TOGARAM1: variants seen among roughly 807,000 people sequenced by gnomAD.
The protein encoded by TOGARAM1 is TOG array regulator of axonemal microtubules protein 1.
A neutral mutation model predicts 166.6 loss-of-function variants in TOGARAM1; 100 were observed. That is an observed-to-expected ratio of 0.60 (90% CI 0.51 to 0.71). The LOEUF is 0.71. Ranked by LOEUF, TOGARAM1 falls within the 30% of genes least tolerant of loss-of-function variation. The pLI, the probability that TOGARAM1 is intolerant of heterozygous loss-of-function variation, is 0.00. For synonymous variants in TOGARAM1, 758 were observed against 763.8 expected, an observed-to-expected ratio of 0.99 and a Z score of 0.13; for missense variants, 2,029 against 2,102.7, an observed-to-expected ratio of 0.96 and a Z score of 0.69.
chr14:44,999,883 A>G (rs963932748), intron 3 of TOGARAM1, among the ~76,000 whole-genome samples: 1 of 152,226 alleles, frequency 6.6e-6, no homozygotes. Context: ...GAACATTACA[A>G]ATCTACTCCT....
intron 1 of TOGARAM1, among the ~76,000 whole-genome samples, chr14:44,991,531 C>G (rs1887135083): frequency 6.6e-6 from 1 of 152,090 alleles, no homozygotes; most frequent in South Asian, 2.1e-4. Context: ...GTTTTTAGGA[C>G]TTTTATACTA....
intron 7 of TOGARAM1, among the ~76,000 whole-genome samples, chr14:45,018,320 A>C (rs556534964): frequency 6.6e-5 from 10 of 152,120 alleles, no homozygotes; most frequent in African/African-American, 2.4e-4. Flanking sequence ...GCTCACTGCA[A>C]CCTCCACCTC....
chr14:45,068,430 G>T lies in TOGARAM1; in HGVS notation c.4756G>T (p.Asp1586Tyr). 6.3e-7 allele frequency: 1 copy of T among 1,597,546 alleles called. No homozygotes were observed. The highest frequency in any genetic ancestry group is 1.3e-5 in the African/African-American group (1 of 74,232). Residue 1586 changes from aspartate (D) to tyrosine (Y), a missense_variant, in exon 18 of 20, where the codon GAT (aspartate) becomes TAT (tyrosine). Transcript: ENST00000361462. The stretch of plus-strand genomic sequence containing the variant: ...TTTACCAATTTATTTTCAGATTTTT[G>T]ATGCTTTTAAATCTCGACTTCATGA... ...LVVGNIVKIFDAFKSRLHDSN... is the reference protein window; with the variant it reads ...LVVGNIVKIFYAFKSRLHDSN...
intron 14 of TOGARAM1, among the ~76,000 whole-genome samples, chr14:45,048,476 TACAG>T (rs1212655569): frequency 1.3e-5 from 2 of 152,300 alleles, no homozygotes; most frequent in African/African-American, 4.8e-5. Flanking sequence ...CTAAAGATAA[TACAG>T]AAAGTAAATA....
chr14:45,044,955 TTAG>T (rs1471719201), intron 13 of TOGARAM1, 85 bp downstream of exon 13: 7 of 944,034 alleles, frequency 7.4e-6, no homozygotes, highest in Middle Eastern at 2.3e-4. Context: ...CAAGCAAATC[TTAG>T]TAGTATATCA....
At chr14:45,052,001 A>T (rs958832828) in intron 14 of TOGARAM1, among the ~76,000 whole-genome samples, 2 of 152,244 alleles carry the variant, frequency 1.3e-5, no homozygotes, top group African/African-American at 4.8e-5. Flanking sequence ...ACATGCTGAG[A>T]ACACTTACAT....
At chr14:45,033,672 A>AT (rs758216285) in intron 11 of TOGARAM1, among the ~76,000 whole-genome samples, 27 of 152,314 alleles carry the variant, frequency 1.8e-4, no homozygotes, top group Admixed American at 3.3e-4. Context: ...CCCTGGTATC[A>AT]TTTTGAGCTC....
intron 11 of TOGARAM1, among the ~76,000 whole-genome samples, chr14:45,034,793 G>T (rs1881339703): frequency 6.6e-6 from 1 of 152,078 alleles, no homozygotes; most frequent in Admixed American, 6.5e-5. Context: ...CAAAGCTGAA[G>T]AATATTTATA....
chr14:45,073,606 T>G lies in TOGARAM1; in HGVS notation c.*45T>G. ...ATGATGAACAAAAGTGTTTACATGA[T>G]GACAAATGGAACTTTCTAAAAGTTA... On this transcript the variant is annotated 3_prime_UTR_variant, in exon 20 of 20. Coordinates refer to ENST00000361462, the MANE Select transcript of TOGARAM1 (RefSeq NM_001308120.2). 1 of 1,552,160 alleles carries G rather than the reference T, an allele frequency of 6.4e-7. No homozygotes were observed. Among genetic ancestry groups the G allele is most frequent in the Non-Finnish European group, 8.7e-7 (1 of 1,147,020 alleles).
intron 7 of TOGARAM1, among the ~76,000 whole-genome samples, chr14:45,021,811 A>G (rs1386978513): frequency 6.6e-6 from 1 of 152,110 alleles, no homozygotes; most frequent in Non-Finnish European, 1.5e-5. Flanking sequence ...TCTCAGGGAC[A>G]GGCTTCTTGT....
In TOGARAM1 at chr14:44,963,957, C is replaced by G. The variant is rs1471733463; in HGVS notation, c.1536C>G (p.Ser512=). ...AGGATTTTGACTTGCCCAAACTGTC[C>G]TTTGATCTTGCCCCAGCTCTTGTAG... is the stretch of plus-strand genomic sequence containing the variant. ...PSEDFDLPKL[S]FDLAPALVDS... The change falls in exon 1 of 20, where the codon TCC becomes TCG. Residue 512 remains serine, a synonymous_variant. Transcript: ENST00000361462. 1 of 1,614,158 alleles carries G rather than the reference C, an allele frequency of 6.2e-7. No homozygotes were observed. Among genetic ancestry groups the G allele is most frequent in the African/African-American group, 1.3e-5 (1 of 75,046 alleles).
rs1423700889 is a variant in TOGARAM1 at position 44,963,652 on chromosome 14, G to A, written c.1231G>A (p.Val411Met). 3.1e-6 allele frequency: 5 copies of A among 1,613,382 alleles called. No individual in the cohort carries two copies. The highest frequency in any genetic ancestry group is 2.2e-5 in the South Asian group (2 of 91,088). The change falls in exon 1 of 20, where the codon GTG becomes ATG. Residue 411 changes from valine to methionine, a missense_variant. This residue lies in a region of TOGARAM1 where 1,453 missense variants were observed against 1,432.2 expected (regional missense o/e 1.01). Transcript: ENST00000361462. ...NLLDDSNFKV[V>M]HGTLEVLHLL... is the part of the protein sequence containing the mutation. ...GTTAGACGATTCTAACTTCAAAGTG[G>A]TGCATGGCACACTTGAAGTCCTGCA...
chr14:45,011,995 T>A lies in TOGARAM1; in HGVS notation c.3158T>A (p.Phe1053Tyr). The change falls in exon 7 of 20, where the codon TTT (phenylalanine) becomes TAT (tyrosine). Residue 1053 changes from phenylalanine (F) to tyrosine (Y), a missense_variant. Transcript: ENST00000361462. ...KRIMSDIFPT[F>Y]GSKPCPTRLS... is the part of the protein sequence containing the mutation. ...TGCAGGTCAGACATATTTCCAACAT[T>A]TGGGTCAAAACCTTGTCCAACAAGA... 1.9e-6 allele frequency: 3 copies of A among 1,606,772 alleles called. No individual in the cohort carries two copies. Among genetic ancestry groups the A allele is most frequent in the Non-Finnish European group, 2.5e-6 (3 of 1,177,804 alleles).
chr14:44,984,650 C>T (rs1886693907), intron 1 of TOGARAM1, among the ~76,000 whole-genome samples: 1 of 151,550 alleles, frequency 6.6e-6, no homozygotes, highest in African/African-American at 2.4e-5. Context: ...TAGTGAGTGC[C>T]TGTAGTCCCA....
chr14:45,020,941 A>G (rs934278454), intron 7 of TOGARAM1, among the ~76,000 whole-genome samples: 1 of 152,144 alleles, frequency 6.6e-6, no homozygotes, highest in African/African-American at 2.4e-5. Flanking sequence ...GGCACATTCA[A>G]CAGTTAGTAG....
rs145970760 is a variant in TOGARAM1 at position 44,975,833 on chromosome 14, A to G, written c.2046+11366A>G. ...CCATTTTTTTTTTTCAAGTGACTCA[A>G]AACAACACAGCTTTGGTATTAGGAC... On this transcript the variant is annotated intron_variant, in intron 1 of 19. Transcript: ENST00000361462. Among the ~76,000 whole-genome samples the G allele has an allele frequency of 2.8e-3, 429 of 151,372 alleles. 2 individuals are homozygous for G. Among genetic ancestry groups the G allele is most frequent in the Non-Finnish European group, 4.0e-3 (269 of 67,828 alleles).
intron 2 of TOGARAM1, chr14:44,996,388 A>T (rs574462279): frequency 6.6e-5 from 10 of 152,402 alleles, no homozygotes; most frequent in African/African-American, 2.2e-4. Flanking sequence ...AGTAACTAAG[A>T]GAGAAGTGTG....
intron 1 of TOGARAM1, among the ~76,000 whole-genome samples, chr14:44,971,994 T>C (rs1482867967): frequency 6.6e-6 from 1 of 152,078 alleles, no homozygotes; most frequent in African/African-American, 2.4e-5. Context: ...GAGTCACGTC[T>C]TACATGGCCG....
rs749527486 is a variant in TOGARAM1, at chr14:44,963,966, TGCCCCA to T, written c.1548_1553del (p.Pro517_Ala518del). ...ACTTGCCCAAACTGTCCTTTGATCT[TGCCCCA>T]GCTCTTGTAGATAGCAAACGCAGGG... On this transcript the variant is annotated inframe_deletion, in exon 1 of 20. Transcript: ENST00000361462. The T allele has an allele frequency of 6.2e-7, 1 of 1,614,206 alleles. No homozygotes were observed. The highest frequency in any genetic ancestry group is 1.3e-5 in the African/African-American group (1 of 75,056).
Sources: gnomAD v4.1 joint callset for allele counts (sites outside exome capture counted in the v4.1 genomes callset) on GRCh38, gnomAD v4.1.1 for gene constraint, gnomAD v4.1.1 regional missense constraint, MANE v1.5 for transcripts, NCBI Gene and HGNC (gene_info 2026-07-23, HGNC 2026-07-21) for gene names.